Variants in TSPAN11 observed in about 807,000 individuals in gnomAD.
TSPAN11 encodes tetraspanin 11, also known as tetraspanin-11.
A neutral mutation model predicts 32.9 loss-of-function variants in TSPAN11; 29 were observed. That is an observed-to-expected ratio of 0.88 (90% confidence interval 0.66 to 1.20). The LOEUF is 1.20. TSPAN11 is among the 50% of genes most tolerant of loss of function. TSPAN11 has a pLI of 0.00. For missense variants in TSPAN11, 283 were observed against 329.1 expected, an observed-to-expected ratio of 0.86 and a Z score of 1.08; for synonymous variants, 140 against 141.3, an observed-to-expected ratio of 0.99 and a Z score of 0.07.
At chr12:30,938,851 C>T (rs1938098682) in intron 1 of TSPAN11, among the ~76,000 whole-genome samples, 1 of 152,168 alleles carries the variant, frequency 6.6e-6, no homozygotes, top group Non-Finnish European at 1.5e-5. Context: ...TACTAAAAGC[C>T]CAACCCTGAG....
the TSPAN11 span, among the ~76,000 whole-genome samples, chr12:31,007,579 C>T: frequency 6.6e-6 from 1 of 152,328 alleles, no homozygotes; most frequent in African/African-American, 2.4e-5. Flanking sequence ...TGGTGGCCCC[C>T]ACCCCGACCC....
chr12:30,970,463 A>G lies in TSPAN11; in HGVS notation c.276+6446A>G, dbSNP rs532729416. Among the ~76,000 whole-genome samples, 85 of 152,282 alleles carry G rather than the reference A, an allele frequency of 5.6e-4. No individual in the cohort carries two copies. The South Asian group carries it at 0.017, about 31-fold the overall frequency. The stretch of plus-strand genomic sequence containing the variant: ...CCCCAACATTTGGGCTGGGACATTG[A>G]AGGGCCTCAGCCACATTTTCTTGAT... On this transcript the variant is annotated intron_variant, in intron 3 of 7. Coordinates refer to ENST00000546076, the MANE Select transcript of TSPAN11 (RefSeq NM_001370302.1).
At chr12:30,972,928 C>T (rs1938881914) in intron 3 of TSPAN11, among the ~76,000 whole-genome samples, 1 of 152,032 alleles carries the variant, frequency 6.6e-6, no homozygotes, top group Non-Finnish European at 1.5e-5. Flanking sequence ...GAGGGCTTCC[C>T]TGGGCTTCCT....
At position 30,994,768 on chromosome 12, in the gene TSPAN11, T is replaced by C. The variant is rs1194049334; in HGVS notation, c.*2853T>C. On this transcript the variant is annotated 3_prime_UTR_variant, in exon 8 of 8. Coordinates refer to ENST00000546076, the MANE Select transcript of TSPAN11 (RefSeq NM_001370302.1). Reference sequence around the variant, plus strand: ...ACTTAGAATCTGTCACCATAAATACTTATCTCGCAGTTACCCCAGCAAGAG... The same window carrying C: ...ACTTAGAATCTGTCACCATAAATACCTATCTCGCAGTTACCCCAGCAAGAG... 2.6e-5 allele frequency: 4 copies of C among 152,216 alleles called. No individual in the cohort carries two copies. In the East Asian group the frequency reaches 5.8e-4, roughly 22 times the overall value. 9.4% of individuals were successfully genotyped at this position (152,216 alleles called of 1,614,324 possible).
At chr12:30,986,577 G>T (rs1939205116) in intron 7 of TSPAN11, among the ~76,000 whole-genome samples, 1 of 152,154 alleles carries the variant, frequency 6.6e-6, no homozygotes, top group African/African-American at 2.4e-5. Context: ...CCATTTCTAT[G>T]GAACCTTCTG....
chr12:30,933,497 T>G (rs1937977258), intron 1 of TSPAN11, among the ~76,000 whole-genome samples: 1 of 152,040 alleles, frequency 6.6e-6, no homozygotes, highest in African/African-American at 2.4e-5. Flanking sequence ...AGCTCCTTCC[T>G]CTCAGCACTG....
intron 5 of TSPAN11, among the ~76,000 whole-genome samples, chr12:30,981,648 C>G (rs1174984811): frequency 6.6e-6 from 1 of 152,214 alleles, no homozygotes; most frequent in Non-Finnish European, 1.5e-5. Flanking sequence ...AGCATTAACC[C>G]CTTCCTCCTC....
chr12:30,989,019 T>C (rs1939259399), intron 7 of TSPAN11, among the ~76,000 whole-genome samples: 1 of 152,220 alleles, frequency 6.6e-6, no homozygotes, highest in Non-Finnish European at 1.5e-5. Flanking sequence ...ATCAGCGTCC[T>C]GGGAGCCTCC....
At chr12:31,005,957 G>T in the TSPAN11 span, 1 of 153,188 alleles carries the variant, frequency 6.5e-6, no homozygotes, top group Non-Finnish European at 1.5e-5. Context: ...GTGCAAGTGG[G>T]AGTAGCCACT....
chr12:30,966,412 C>G (rs996263999), intron 3 of TSPAN11, among the ~76,000 whole-genome samples: 2 of 152,138 alleles, frequency 1.3e-5, no homozygotes, highest in Non-Finnish European at 2.9e-5. Flanking sequence ...AAGAAAAATG[C>G]GAAGTTTTAA....
intron 5 of TSPAN11, 119 bp from the exon 6 acceptor site, chr12:30,982,413 C>G: frequency 7.1e-7 from 1 of 1,403,134 alleles, no homozygotes; most frequent in African/African-American, 1.4e-5. Context: ...CAAATACTAA[C>G]TAACCATGGT....
chr12:30,965,166 A>G (rs557457421), intron 3 of TSPAN11, among the ~76,000 whole-genome samples: 75 of 152,346 alleles, frequency 4.9e-4, no homozygotes, highest in Middle Eastern at 3.4e-3. Context: ...CTGACCAGCC[A>G]TGAGGCTTAT....
downstream of TSPAN11, chr12:30,996,929 G>A (rs1038408923): frequency 6.6e-6 from 1 of 152,194 alleles, no homozygotes; most frequent in African/African-American, 2.4e-5. Context: ...CATTTACCAT[G>A]ACACACAACC....
chr12:30,935,259 G>A (rs1938019487), intron 1 of TSPAN11, among the ~76,000 whole-genome samples: 2 of 152,086 alleles, frequency 1.3e-5, no homozygotes, highest in Admixed American at 1.3e-4. Context: ...GAAGACTGGG[G>A]AAATTATCAC....
At chr12:30,971,082 G>A (rs935311192) in intron 3 of TSPAN11, among the ~76,000 whole-genome samples, 3 of 152,098 alleles carry the variant, frequency 2.0e-5, no homozygotes, top group Admixed American at 6.6e-5. Flanking sequence ...ACCTTGGCAG[G>A]GTCTTGGGTT....
chr12:30,959,248 A>C (rs903536999), intron 2 of TSPAN11, among the ~76,000 whole-genome samples: 1 of 152,098 alleles, frequency 6.6e-6, no homozygotes, highest in Admixed American at 6.5e-5. Context: ...GGCTGCTGTG[A>C]GGTGAGCAGC....
intron 7 of TSPAN11, among the ~76,000 whole-genome samples, chr12:30,986,324 C>T (rs576541417): frequency 1.5e-4 from 23 of 152,298 alleles, no homozygotes; most frequent in Non-Finnish European, 2.5e-4. Flanking sequence ...AATCTCATTC[C>T]GTCTCTGAGC....
At chr12:30,984,510 T>C (rs561161160) in intron 7 of TSPAN11, among the ~76,000 whole-genome samples, 1 of 150,180 alleles carries the variant, frequency 6.7e-6, no homozygotes, top group African/African-American at 2.4e-5. Flanking sequence ...CACAACAACC[T>C]GAGACCCAGG....
downstream of TSPAN11, among the ~76,000 whole-genome samples, chr12:30,996,765 T>G (rs1939424605): frequency 6.6e-6 from 1 of 152,222 alleles, no homozygotes; most frequent in Non-Finnish European, 1.5e-5. Flanking sequence ...ACCCTTTTTT[T>G]GTCAGCCCTC....
Sources: gnomAD v4.1 joint callset for allele counts (sites outside exome capture counted in the v4.1 genomes callset) on GRCh38, gnomAD v4.1.1 for gene constraint, MANE v1.5 for transcripts, NCBI Gene and HGNC (gene_info 2026-07-23, HGNC 2026-07-21) for gene names.